The following ACTL6B variants were observed in gnomAD, a reference collection of about 807,000 sequenced individuals.
ACTL6B encodes actin-like protein 6B.
ACTL6B carries 48 observed loss-of-function variants against 63.3 expected under a neutral mutation model. The ratio of observed to expected loss-of-function variants is 0.76; its 90% CI spans 0.60 to 0.96. The LOEUF is 0.96. Among genes scored for constraint, ACTL6B ranks in the 50% least tolerant of loss-of-function variants. The probability of loss-of-function intolerance (pLI) is 0.00; values close to 1 mark genes in which losing one functional copy is unlikely to be tolerated. For missense variants in ACTL6B, 350 were observed against 572.2 expected (o/e 0.61, Z 3.96); for synonymous variants, 230 against 223.8 (o/e 1.03, Z -0.25).
Position 100,647,183 on chromosome 7 carries a change from C to T in ACTL6B, c.821+40G>A, listed in dbSNP as rs1414953477. On this transcript the variant is annotated intron_variant, in intron 9 of 13. Transcript: ENST00000160382. The surrounding 1 kb of genome is among the most constrained non-coding windows in gnomAD (Gnocchi z 4.4). ...CCAGCCCACCCCAAGAGTGCCGGTT[C>T]TGCCCTCTCTCCCACCCCAAAGCCC... 1.1e-6 allele frequency: 1 copy of T among 926,364 alleles called. No individual in the cohort carries two copies. The allele number at this position is 926,364 out of a possible 1,614,324, so 57.4% of individuals were successfully genotyped here. A position where few individuals can be genotyped will look rare whatever the true frequency, so the allele number is the denominator to read the frequency against.
Position 100,648,423 on chromosome 7 carries a change from G to A in ACTL6B, c.669+133C>T, listed in dbSNP as rs767463944. On this transcript the variant is annotated intron_variant, in intron 7 of 13. Coordinates refer to ENST00000160382, the MANE Select transcript of ACTL6B (RefSeq NM_016188.5). This position sits in a 1 kb window ranked among gnomAD's most constrained non-coding sequence, Gnocchi z 4.4. ...GATTTCGGATGCCTCGATTATAAAAGGAGGAACTGGAGCCAGGACCCACTG... is the reference window on the plus strand; with the variant it reads ...GATTTCGGATGCCTCGATTATAAAAAGAGGAACTGGAGCCAGGACCCACTG... 41 of 738,634 alleles carry A rather than the reference G, an allele frequency of 5.6e-5. No individual in the cohort carries two copies. Among genetic ancestry groups the A allele is most frequent in the Non-Finnish European group, 8.3e-5 (39 of 470,292 alleles). 45.8% of individuals were successfully genotyped at this position (738,634 alleles called of 1,614,324 possible).
In ACTL6B at chr7:100,649,714, G is replaced by A. The variant is rs142093605; in HGVS notation, c.467+324C>T. Among the ~76,000 whole-genome samples the A allele has an allele frequency of 2.8e-4, 42 of 152,348 alleles. No individual in the cohort carries two copies. The East Asian group carries it at 7.7e-3, about 28-fold the overall frequency. ...ATCCTAAAAACAGTCAGTGTTGAAG[G>A]AGTTCTTGGGAAGGGACTGCCGCAG... On this transcript the variant is annotated intron_variant, in intron 5 of 13. Transcript: ENST00000160382.
intron 4 of ACTL6B, among the ~76,000 whole-genome samples, chr7:100,650,566 G>A (rs981584972): frequency 1.8e-4 from 27 of 152,130 alleles, no homozygotes; most frequent in African/African-American, 6.3e-4. Context: ...GCCAGACAGG[G>A]TGGCTTACGC....
Position 100,655,499 on chromosome 7 carries a change from T to G in ACTL6B, c.190A>C (p.Ile64Leu). 6.2e-7 allele frequency: 1 copy of G among 1,614,118 alleles called. No homozygotes were observed. The highest frequency in any genetic ancestry group is 8.5e-7 in the Non-Finnish European group (1 of 1,180,002). Reference sequence around the variant, plus strand: ...AGGGCATTGGTGTCGATGTGGAAGATCTTCCCTTTCTTCTCTTTGTCCCCC... The same window carrying G: ...AGGGCATTGGTGTCGATGTGGAAGAGCTTCCCTTTCTTCTCTTTGTCCCCC... ...LEGDKEKKGK[I>L]FHIDTNALHV... The change falls in exon 3 of 14, where the codon ATC becomes CTC. Residue 64 changes from isoleucine (I) to leucine (L), a missense_variant. By Grantham distance (5) the Ile-to-Leu change is conservative. Coordinates refer to ENST00000160382, the MANE Select transcript of ACTL6B (RefSeq NM_016188.5). The surrounding 1 kb of genome is among the most constrained non-coding windows in gnomAD (Gnocchi z 4.4).
chr7:100,655,998 G>A lies in ACTL6B; in HGVS notation c.26-119C>T, dbSNP rs1175237848. The A allele has an allele frequency of 9.5e-7, 1 of 1,047,608 alleles. No individual in the cohort carries two copies. The highest frequency in any genetic ancestry group is 1.4e-6 in the Non-Finnish European group (1 of 732,730). 64.9% of individuals were successfully genotyped at this position (1,047,608 alleles called of 1,614,324 possible). A position where few individuals can be genotyped will look rare whatever the true frequency, so the allele number is the denominator to read the frequency against. ...CCACTTTCAACACCAGTCTGGGGCC[G>A]GTGGGAGCTGGGCCTGGAGTCCGAG... is the stretch of plus-strand genomic sequence containing the variant. On this transcript the variant is annotated intron_variant, in intron 1 of 13. Transcript: ENST00000160382. This position sits in a 1 kb window ranked among gnomAD's most constrained non-coding sequence, Gnocchi z 4.4.
Position 100,646,376 on chromosome 7 carries a change from T to A in ACTL6B, c.1114-41A>T, listed in dbSNP as rs370516080. The A allele has an allele frequency of 2.1e-5, 34 of 1,604,724 alleles. No individual in the cohort carries two copies. The African/African-American group carries it at 4.3e-4, about 20-fold the overall frequency. On this transcript the variant is annotated intron_variant, in intron 12 of 13. Transcript: ENST00000160382. This position sits in a 1 kb window ranked among gnomAD's most constrained non-coding sequence, Gnocchi z 6.1. ...GGCTGGGGGAAGCAGACACCTAGGTTCTGGGAAGGGACAGGGCTTGGGGGA... is the reference window on the plus strand; with the variant it reads ...GGCTGGGGGAAGCAGACACCTAGGTACTGGGAAGGGACAGGGCTTGGGGGA...
rs761063461 is a variant in ACTL6B, at chr7:100,648,508, C to A, written c.669+48G>T. 6.7e-7 allele frequency: 1 copy of A among 1,482,862 alleles called. No homozygotes were observed. The highest frequency in any genetic ancestry group is 9.1e-7 in the Non-Finnish European group (1 of 1,099,786). 91.9% of individuals were successfully genotyped at this position (1,482,862 alleles called of 1,614,324 possible). A position where few individuals can be genotyped will look rare whatever the true frequency, so the allele number is the denominator to read the frequency against. On this transcript the variant is annotated intron_variant, in intron 7 of 13. Coordinates refer to ENST00000160382, the MANE Select transcript of ACTL6B (RefSeq NM_016188.5). This position sits in a 1 kb window ranked among gnomAD's most constrained non-coding sequence, Gnocchi z 4.4. The stretch of plus-strand genomic sequence containing the variant: ...TGTCAGAGGGTTGACGGCCATGGGG[C>A]GAGTGGCCAGGACTCTAGTGGCAGC...
intron 5 of ACTL6B, chr7:100,649,823 G>A (rs1397200754): frequency 1.9e-6 from 1 of 513,308 alleles, no homozygotes; most frequent in Admixed American, 3.2e-5. Flanking sequence ...GCCTGATCCG[G>A]GGAACCGAAA....
intron 13 of ACTL6B, among the ~76,000 whole-genome samples, chr7:100,643,736 C>G (rs1191021100): frequency 2.0e-5 from 3 of 152,102 alleles, no homozygotes; most frequent in Non-Finnish European, 4.4e-5. Context: ...GCCAGTCTCC[C>G]TCTTTCCCAA....
rs779793080 is a variant in ACTL6B at position 100,647,324 on chromosome 7, G to A, written c.760-40C>T. The A allele has an allele frequency of 1.6e-5, 25 of 1,609,942 alleles. No individual in the cohort carries two copies. Among genetic ancestry groups the A allele is most frequent in the South Asian group, 6.6e-5 (6 of 90,990 alleles). ...GAGGTGGTGAGGGCCTGCCTTCCCC[G>A]TGAGCAGCACCCCCTGCCCCGCTCC... On this transcript the variant is annotated intron_variant, in intron 8 of 13. Transcript: ENST00000160382. This position sits in a 1 kb window ranked among gnomAD's most constrained non-coding sequence, Gnocchi z 4.4.
chr7:100,655,097 T>C lies in ACTL6B; in HGVS notation c.291A>G (p.Arg97=), dbSNP rs1266628223. The C allele has an allele frequency of 1.2e-6, 2 of 1,613,742 alleles. No homozygotes were observed. The change falls in exon 4 of 14, where the codon CGA becomes CGG. Residue 97 remains arginine (R), a synonymous_variant. Transcript: ENST00000160382. The surrounding 1 kb of genome is among the most constrained non-coding windows in gnomAD (Gnocchi z 4.4). Reference sequence around the variant, plus strand: ...TGCTGTAGGTGTGATCCAGGATGGCTCGGAAGCACTCCCAGTCCTCGACTG... The same window carrying C: ...TGCTGTAGGTGTGATCCAGGATGGCCCGGAAGCACTCCCAGTCCTCGACTG... ...NGMIEDWECF[R]AILDHTYSKH... is the part of the protein sequence containing the mutation.
chr7:100,656,254 G>A, intron 1 of ACTL6B, 76 bp downstream of exon 1: 3 of 1,356,498 alleles, frequency 2.2e-6, no homozygotes, highest in Non-Finnish European at 2.9e-6. Context: ...CAGGCCCCGG[G>A]GTGCCCAGAG....
intron 4 of ACTL6B, among the ~76,000 whole-genome samples, chr7:100,654,036 G>A (rs887808086): frequency 6.1e-4 from 92 of 151,500 alleles, no homozygotes; most frequent in South Asian, 6.3e-4. Flanking sequence ...GCAGTGGTGC[G>A]ATCTCAGCTC....
chr7:100,653,561 G>A (rs1409974022), intron 4 of ACTL6B, among the ~76,000 whole-genome samples: 1 of 152,054 alleles, frequency 6.6e-6, no homozygotes, highest in Non-Finnish European at 1.5e-5. Flanking sequence ...GAAATGAGAG[G>A]ATCACTTGAG....
intron 4 of ACTL6B, among the ~76,000 whole-genome samples, chr7:100,650,465 A>G (rs530328587): frequency 7.4e-4 from 112 of 152,030 alleles, no homozygotes; most frequent in African/African-American, 2.4e-3. Context: ...AAACACATAT[A>G]TACTCACATT....
chr7:100,647,132 C>T lies in ACTL6B; in HGVS notation c.822-47G>A. ...TCTGCCTGGGGTGCTCAAGAAGGAT[C>T]AGTGCGTGGGCAGCACCAGAGCCCC... is the stretch of plus-strand genomic sequence containing the variant. On this transcript the variant is annotated intron_variant, in intron 9 of 13. Transcript: ENST00000160382. This position sits in a 1 kb window ranked among gnomAD's most constrained non-coding sequence, Gnocchi z 4.4. 1.2e-6 allele frequency: 2 copies of T among 1,611,442 alleles called. No homozygotes were observed. Among genetic ancestry groups the T allele is most frequent in the Non-Finnish European group, 1.7e-6 (2 of 1,177,838 alleles).
In ACTL6B at chr7:100,646,902, C is replaced by T; in HGVS notation, c.936+69G>A. ...CCCAGACCCCTGCAATCCTTCCCAG[C>T]CTCCCCCACGCCCCAGGATCCAGGG... On this transcript the variant is annotated intron_variant, in intron 10 of 13. Transcript: ENST00000160382. This position sits in a 1 kb window ranked among gnomAD's most constrained non-coding sequence, Gnocchi z 6.1. The T allele has an allele frequency of 1.4e-5, 23 of 1,598,892 alleles. No individual in the cohort carries two copies. The South Asian group carries it at 2.3e-4, about 16-fold the overall frequency.
In ACTL6B at chr7:100,654,769, C is replaced by CAA. The variant is rs11368759; in HGVS notation, c.369+248_369+249dup. ...CCTGGGTGACGGAGTGAGACTGTGT[C>CAA]AAAAAAAAAAAATTTAAAAAGGACT... On this transcript the variant is annotated intron_variant, in intron 4 of 13. Transcript: ENST00000160382. 5.2e-4 allele frequency among the ~76,000 whole-genome samples: 73 copies of CAA among 141,740 alleles called. 1 individual carries two copies. The highest frequency in any genetic ancestry group is 3.5e-4 in the Non-Finnish European group (23 of 64,874). The allele number at this position is 141,740 out of a possible 152,430, so 93.0% of individuals were successfully genotyped here.
In ACTL6B at chr7:100,643,273, C is replaced by T; in HGVS notation, c.1254G>A (p.Lys418=). ...ISKQEYEEGG[K]QCVERKCP ...AGGGGCACTTTCGCTCCACGCACTG[C>T]TTCCCGCCCTCCTCATATTCCTGCT... The change falls in exon 14 of 14, where the codon AAG becomes AAA. Residue 418 remains lysine (K), a synonymous_variant. Transcript: ENST00000160382. 6.2e-7 allele frequency: 1 copy of T among 1,614,110 alleles called. No individual in the cohort carries two copies. Among genetic ancestry groups the T allele is most frequent in the Non-Finnish European group, 8.5e-7 (1 of 1,180,010 alleles).
Sources: gnomAD v4.1 joint callset for allele counts (sites outside exome capture counted in the v4.1 genomes callset) on GRCh38, gnomAD v4.1.1 for gene constraint, Gnocchi (gnomAD v3.1) non-coding constraint, MANE v1.5 for transcripts, NCBI Gene and HGNC (gene_info 2026-07-23, HGNC 2026-07-21) for gene names.